The following TTC3 variants were observed in gnomAD, a reference collection of about 807,000 sequenced individuals.
TTC3 encodes the protein E3 ubiquitin-protein ligase TTC3.
TTC3 carries 180 observed loss-of-function variants against 249.6 expected under a neutral mutation model. The observed-to-expected ratio is 0.72, with a 90% CI of 0.64 to 0.82. The LOEUF (loss-of-function observed/expected upper bound fraction) is 0.82. Ranked by LOEUF, TTC3 falls within the 40% of genes least tolerant of loss-of-function variation. The pLI, the probability that TTC3 is intolerant of heterozygous loss-of-function variation, is 0.00. For synonymous variants in TTC3, 717 were observed against 805.0 expected (o/e 0.89, Z 1.85); for missense variants, 2,061 against 2,398.4 (o/e 0.86, Z 2.94).
chr21:37,151,015 A>T (rs1325237296), intron 25 of TTC3, 131 bp downstream of exon 25: 1 of 560,760 alleles, frequency 1.8e-6, no homozygotes, highest in Non-Finnish European at 3.0e-6. Context: ...AGTGTTTTTT[A>T]AAATGATTTT....
chr21:37,198,088 C>T (rs1358250318), intron 44 of TTC3, 63 bp downstream of exon 44: 17 of 1,506,842 alleles, frequency 1.1e-5, no homozygotes, highest in Non-Finnish European at 1.4e-5. Context: ...AATTTTTAAT[C>T]CATGATTTAG....
chr21:37,108,360 G>T, intron 10 of TTC3, 32 bp from the exon 11 acceptor site: 1 of 1,591,022 alleles, frequency 6.3e-7, no homozygotes, highest in Non-Finnish European at 8.6e-7. Context: ...ATAAAAGAGT[G>T]AAAATTTTTA....
At chr21:37,073,315 G>GGCGGCT (rs71328547) in exon 1 of TTC3, 453 of 382,442 alleles carry the variant, frequency 1.2e-3, no homozygotes, top group Middle Eastern at 3.8e-3. Flanking sequence ...CGGCGGCGGC[G>GGCGGCT]GCTGCTGCTG....
chr21:37,189,811 G>T (rs1195146296), intron 39 of TTC3, among the ~76,000 whole-genome samples: 1 of 152,070 alleles, frequency 6.6e-6, no homozygotes, highest in Non-Finnish European at 1.5e-5. Context: ...CTCCCAAAGT[G>T]CTAGGATTAC....
At chr21:37,074,422 CA>C (rs2070528080) in intron 1 of TTC3, among the ~76,000 whole-genome samples, 1 of 152,178 alleles carries the variant, frequency 6.6e-6, no homozygotes, top group Non-Finnish European at 1.5e-5. Flanking sequence ...CCCTGGACGC[CA>C]AAACCCCCTC....
rs527408764 is a variant in TTC3, at chr21:37,192,413, G to A, written c.5217+200G>A. On this transcript the variant is annotated intron_variant, in intron 41 of 45. Coordinates refer to ENST00000355666, the Ensembl canonical transcript of TTC3. ...AAAATAGATCAGTCTTTCTACATCTGTATGAGGGATGGACTGAGATGAATA... is the reference window on the plus strand; with the variant it reads ...AAAATAGATCAGTCTTTCTACATCTATATGAGGGATGGACTGAGATGAATA... Among the ~76,000 whole-genome samples the A allele has an allele frequency of 2.4e-4, 36 of 151,976 alleles. No individual in the cohort carries two copies. The South Asian group carries it at 7.5e-3, about 32-fold the overall frequency.
At chr21:37,081,641 G>A (rs1465061520) in intron 1 of TTC3, 2 of 151,900 alleles carry the variant, frequency 1.3e-5, no homozygotes, top group African/African-American at 4.8e-5. Context: ...CTCTCCTGCT[G>A]GAACTTTAAC....
At chr21:37,201,338 A>G in intron 45 of TTC3, 102 bp from the exon 46 acceptor site, 2 of 1,460,694 alleles carry the variant, frequency 1.4e-6, no homozygotes, top group Non-Finnish European at 1.9e-6. Flanking sequence ...CAAGAGACCA[A>G]GGGCAAGTGA....
At chr21:37,104,872 G>A (rs2074923439) in intron 10 of TTC3, among the ~76,000 whole-genome samples, 2 of 152,300 alleles carry the variant, frequency 1.3e-5, no homozygotes, top group South Asian at 4.1e-4. Flanking sequence ...TTGGGCATTG[G>A]GCTTCTAGGA....
chr21:37,135,549 C>A lies in TTC3; in HGVS notation c.1578+35C>A, dbSNP rs1226305707. Reference sequence around the variant, plus strand: ...CCATATCATAACTTGTTTATCAATGCTAATGCACCTCAGATGAATGCAGAA... The same window carrying A: ...CCATATCATAACTTGTTTATCAATGATAATGCACCTCAGATGAATGCAGAA... On this transcript the variant is annotated intron_variant, in intron 18 of 45. Coordinates refer to ENST00000355666, the Ensembl canonical transcript of TTC3. 5 of 1,600,212 alleles carry A rather than the reference C, an allele frequency of 3.1e-6. No individual in the cohort carries two copies. The East Asian group carries it at 1.1e-4, about 36-fold the overall frequency.
chr21:37,122,661 G>A (rs113919311), intron 12 of TTC3, among the ~76,000 whole-genome samples: 3 of 151,974 alleles, frequency 2.0e-5, no homozygotes, highest in African/African-American at 7.2e-5. Context: ...ACCGGCAGAT[G>A]TTGTTATCCA....
intron 11 of TTC3, among the ~76,000 whole-genome samples, chr21:37,117,973 C>T (rs2076293907): frequency 6.6e-6 from 1 of 151,192 alleles, no homozygotes; most frequent in Non-Finnish European, 1.5e-5. Context: ...TTGGTGATGT[C>T]CAAACATCCC....
At chr21:37,192,001 T>G (rs942310044) in intron 40 of TTC3, 111 bp from the exon 41 acceptor site, 4 of 658,126 alleles carry the variant, frequency 6.1e-6, no homozygotes, top group Non-Finnish European at 1.0e-5. Flanking sequence ...TAATGAGGTC[T>G]TATTTTGAAT....
intron 12 of TTC3, among the ~76,000 whole-genome samples, chr21:37,122,671 A>G (rs1462909795): frequency 2.6e-5 from 4 of 152,064 alleles, no homozygotes; most frequent in South Asian, 2.1e-4. Flanking sequence ...GTTGTTATCC[A>G]TCATAACATG....
chr21:37,170,835 C>T (rs920842410), intron 34 of TTC3, among the ~76,000 whole-genome samples: 1 of 152,172 alleles, frequency 6.6e-6, no homozygotes, highest in Non-Finnish European at 1.5e-5. Flanking sequence ...AAATCATCTA[C>T]CTTCCCATCA....
intron 35 of TTC3, among the ~76,000 whole-genome samples, chr21:37,176,375 A>G (rs891502158): frequency 3.9e-5 from 6 of 152,216 alleles, no homozygotes; most frequent in South Asian, 4.1e-4. Flanking sequence ...GTCACTCCCT[A>G]TCTGCCCAGG....
chr21:37,188,974 G>A (rs2083640736), intron 39 of TTC3, among the ~76,000 whole-genome samples: 1 of 152,194 alleles, frequency 6.6e-6, no homozygotes, highest in South Asian at 2.1e-4. Flanking sequence ...ACACTGCTGT[G>A]CTGGAACAGT....
chr21:37,178,833 AC>A (rs1054762870), intron 35 of TTC3, among the ~76,000 whole-genome samples: 2 of 152,044 alleles, frequency 1.3e-5, no homozygotes, highest in Non-Finnish European at 2.9e-5. Flanking sequence ...GATAGTACGC[AC>A]CTGTGGTCCC....
At chr21:37,196,384 G>A (rs1306121307) in intron 42 of TTC3, among the ~76,000 whole-genome samples, 1 of 151,946 alleles carries the variant, frequency 6.6e-6, no homozygotes, top group East Asian at 1.9e-4. Context: ...TTATAGGCAT[G>A]CATGACTAAG....
Sources: gnomAD v4.1 joint callset for allele counts (sites outside exome capture counted in the v4.1 genomes callset) on GRCh38, gnomAD v4.1.1 for gene constraint, MANE v1.5 for transcripts, NCBI Gene and HGNC (gene_info 2026-07-23, HGNC 2026-07-21) for gene names.